BCL11A: variants seen among roughly 807,000 people sequenced by gnomAD.
BCL11A encodes BCL11 transcription factor A.
Under a neutral mutation model 55.9 loss-of-function variants are expected in BCL11A, and 2 were observed. That is an observed-to-expected ratio of 0.04 (90% CI 0.01 to 0.11). The LOEUF (loss-of-function observed/expected upper bound fraction) is 0.11, where lower values mean the gene tolerates loss of function less well. Among genes scored for constraint, BCL11A ranks in the 10% least tolerant of loss-of-function variants. BCL11A has a pLI of 1.00. For synonymous variants in BCL11A, 465 were observed against 473.4 expected (o/e 0.98, Z 0.23); for missense variants, 817 against 1,137.1 (o/e 0.72, Z 4.05).
chr2:60,511,774 A>G (rs541235780), intron 2 of BCL11A, among the ~76,000 whole-genome samples: 1 of 152,256 alleles, frequency 6.6e-6, no homozygotes, highest in Non-Finnish European at 1.5e-5. Flanking sequence ...CTAGTCATGT[A>G]AGACACTAAG....
rs2103794112 is a variant in BCL11A, at chr2:60,458,475, T to C, written c.*1929A>G. ...TTTAAAAAAGTTTTGTACAAAAAAA[T>C]CCTTGCACTGTAGAAGCGAAAGCAA... On this transcript the variant is annotated 3_prime_UTR_variant, in exon 4 of 4. Coordinates refer to ENST00000642384, the MANE Select transcript of BCL11A (RefSeq NM_022893.4). 4 of 1,029,600 alleles carry C rather than the reference T, an allele frequency of 3.9e-6. No homozygotes were observed. The highest frequency in any genetic ancestry group is 1.2e-4 in the East Asian group (2 of 16,282). The allele number at this position is 1,029,600 out of a possible 1,614,324, so 63.8% of individuals were successfully genotyped here.
chr2:60,513,535 G>A (rs1668584515), intron 2 of BCL11A, among the ~76,000 whole-genome samples: 1 of 152,178 alleles, frequency 6.6e-6, no homozygotes, highest in South Asian at 2.1e-4. Flanking sequence ...CTCTCTTTGT[G>A]GAGCAAATCT....
chr2:60,472,260 TC>T (rs1677246816), intron 2 of BCL11A, among the ~76,000 whole-genome samples: 1 of 152,184 alleles, frequency 6.6e-6, no homozygotes, highest in African/African-American at 2.4e-5. Flanking sequence ...CCTCACTGCT[TC>T]CATTAAAGCC....
chr2:60,541,092 A>G (rs1647164132), intron 2 of BCL11A, among the ~76,000 whole-genome samples: 1 of 152,074 alleles, frequency 6.6e-6, no homozygotes. Flanking sequence ...AAGTGAATAC[A>G]TATTTGTGTT....
intron 2 of BCL11A, among the ~76,000 whole-genome samples, chr2:60,469,283 G>A (rs1572968130): frequency 6.6e-6 from 1 of 152,274 alleles, no homozygotes; most frequent in Non-Finnish European, 1.5e-5. Context: ...ATGCTGATAG[G>A]AAATGAGTAG....
At chr2:60,478,888 G>A (rs956950723) in intron 2 of BCL11A, among the ~76,000 whole-genome samples, 3 of 151,948 alleles carry the variant, frequency 2.0e-5, no homozygotes, top group Admixed American at 1.3e-4. Context: ...GCACACAGCA[G>A]CCCAGCCTCA....
chr2:60,489,242 A>C (rs984587676), intron 2 of BCL11A, among the ~76,000 whole-genome samples: 1 of 152,222 alleles, frequency 6.6e-6, no homozygotes, highest in Non-Finnish European at 1.5e-5. Context: ...ACTAGCCCAC[A>C]TGCCAATGGG....
At chr2:60,484,673 G>C (rs1023815667) in intron 2 of BCL11A, among the ~76,000 whole-genome samples, 8 of 151,914 alleles carry the variant, frequency 5.3e-5, no homozygotes, top group Non-Finnish European at 7.4e-5. Context: ...CTTAAGAGAA[G>C]GGGGAATTTG....
chr2:60,462,342 C>G lies in BCL11A; in HGVS notation c.570G>C (p.Gln190His), dbSNP rs1676366216. The G allele has an allele frequency of 2.5e-6, 4 of 1,614,082 alleles. No homozygotes were observed. Among genetic ancestry groups the G allele is most frequent in the Non-Finnish European group, 3.4e-6 (4 of 1,179,988 alleles). Residue 190 changes from glutamine (Q) to histidine (H), a missense_variant, in exon 4 of 4, where the codon CAG becomes CAC. By Grantham distance (24) the Gln-to-His change is conservative. Transcript: ENST00000642384. Reference protein sequence around the residue: ...TSAWFLLQHAQNTHGLRIYLE... With the variant: ...TSAWFLLQHAHNTHGLRIYLE... ...AGTAGATTCTTAATCCATGAGTGTT[C>G]TGTGCGTGTTGCAAGAGAAACCATG... is the stretch of plus-strand genomic sequence containing the variant.
rs1670233355 is a variant in BCL11A, at chr2:60,548,112, G to A, written c.56-1812C>T. Among the ~76,000 whole-genome samples the A allele has an allele frequency of 2.0e-5, 3 of 152,114 alleles. No homozygotes were observed. The South Asian group carries it at 6.2e-4, about 32-fold the overall frequency. ...CTTCTCTTACATTTGCTTCCATTTT[G>A]ACCAAGTGAGGAATAGGGAACTCAT... On this transcript the variant is annotated intron_variant, in intron 1 of 3. Transcript: ENST00000642384.
intron 2 of BCL11A, among the ~76,000 whole-genome samples, chr2:60,503,734 A>C (rs1679419903): frequency 6.6e-6 from 1 of 152,184 alleles, no homozygotes; most frequent in Admixed American, 6.5e-5. Context: ...ACATTTTGTG[A>C]GGACTAATTT....
At chr2:60,538,204 T>C (rs1289838220) in intron 2 of BCL11A, 2 of 152,248 alleles carry the variant, frequency 1.3e-5, no homozygotes, top group Admixed American at 6.5e-5. Context: ...ATTTGTTGTT[T>C]AGCACTCTGA....
Position 60,553,313 on chromosome 2 carries a change from CG to C in BCL11A, c.-44del, listed in dbSNP as rs1175725557. 11 of 1,506,082 alleles carry C rather than the reference CG, an allele frequency of 7.3e-6. No individual in the cohort carries two copies. The highest frequency in any genetic ancestry group is 1.3e-5 in the South Asian group (1 of 79,832). 93.3% of individuals were successfully genotyped at this position (1,506,082 alleles called of 1,614,324 possible). ...GCGGCGGCGGCGGCGGCGGCGGCGG[CG>C]GGCGGACGACGGCTCGGTTCACATC... On this transcript the variant is annotated 5_prime_UTR_variant, in exon 1 of 4. Coordinates refer to ENST00000642384, the MANE Select transcript of BCL11A (RefSeq NM_022893.4).
At chr2:60,489,845 A>C (rs1333334022) in intron 2 of BCL11A, among the ~76,000 whole-genome samples, 3 of 152,208 alleles carry the variant, frequency 2.0e-5, no homozygotes, top group Non-Finnish European at 4.4e-5. Context: ...ACACTATTAA[A>C]GAGAGATCAC....
At chr2:60,462,517 C>A in intron 3 of BCL11A, 93 bp from the exon 4 acceptor site, 1 of 1,504,418 alleles carries the variant, frequency 6.6e-7, no homozygotes, top group Non-Finnish European at 8.8e-7. Flanking sequence ...CCTTCCCTGC[C>A]CCCACCCCTC....
chr2:60,465,631 A>G lies in BCL11A; in HGVS notation c.487+3101T>C, dbSNP rs77395300. ...GGTCTGAGACTGGAGGCCTAGCTCT[A>G]TTATCCACTAGATTGTAACTCTGGG... On this transcript the variant is annotated intron_variant, in intron 3 of 3. Transcript: ENST00000642384. Among the ~76,000 whole-genome samples, 193 of 152,340 alleles carry G rather than the reference A, an allele frequency of 1.3e-3. 1 individual carries two copies. Among genetic ancestry groups the G allele is most frequent in the Non-Finnish European group, 1.6e-3 (112 of 68,032 alleles).
intron 2 of BCL11A, among the ~76,000 whole-genome samples, chr2:60,500,610 G>A (rs1209039704): frequency 1.3e-5 from 2 of 152,228 alleles, no homozygotes; most frequent in African/African-American, 4.8e-5. Context: ...ACAGGGTTCA[G>A]AGCTAGGCTG....
In BCL11A at chr2:60,459,589, A is replaced by T; in HGVS notation, c.*815T>A. 5.8e-6 allele frequency: 6 copies of T among 1,028,208 alleles called. No individual in the cohort carries two copies. Among genetic ancestry groups the T allele is most frequent in the Non-Finnish European group, 7.0e-6 (6 of 855,354 alleles). The allele number at this position is 1,028,208 out of a possible 1,614,324, so 63.7% of individuals were successfully genotyped here. On this transcript the variant is annotated 3_prime_UTR_variant, in exon 4 of 4. Coordinates refer to ENST00000642384, the MANE Select transcript of BCL11A (RefSeq NM_022893.4). ...AATATAGAATTATATGCTAGTTCCT[A>T]AGGTTTATTACCTCACCCAATGCTG...
chr2:60,465,456 A>T (rs1486496956), intron 3 of BCL11A, among the ~76,000 whole-genome samples: 1 of 152,216 alleles, frequency 6.6e-6, no homozygotes, highest in Non-Finnish European at 1.5e-5. Flanking sequence ...AACTTGAGAC[A>T]TCAAAAGGGT....
Sources: gnomAD v4.1 joint callset for allele counts (sites outside exome capture counted in the v4.1 genomes callset) on GRCh38, gnomAD v4.1.1 for gene constraint, MANE v1.5 for transcripts, NCBI Gene and HGNC (gene_info 2026-07-23, HGNC 2026-07-21) for gene names.